The following CNTN5 variants were observed in gnomAD, a reference collection of about 807,000 sequenced individuals.
CNTN5 encodes the protein contactin-5.
A neutral mutation model predicts 129.1 loss-of-function variants in CNTN5; 77 were observed. That is an observed-to-expected ratio of 0.60 (90% CI 0.50 to 0.72). CNTN5 has a LOEUF of 0.72. Among genes scored for constraint, CNTN5 ranks in the 30% least tolerant of loss-of-function variants. The pLI is 0.00. For synonymous variants in CNTN5, 509 were observed against 465.6 expected, an observed-to-expected ratio of 1.09 and a Z score of -1.20; for missense variants, 1,478 against 1,328.8, an observed-to-expected ratio of 1.11 and a Z score of -1.75.
chr11:99,211,199 C>A (rs1248903756), intron 1 of CNTN5, among the ~76,000 whole-genome samples: 4 of 152,078 alleles, frequency 2.6e-5, no homozygotes, highest in African/African-American at 7.2e-5. Context: ...AAAATCTCTA[C>A]TTTCCTGATT....
chr11:99,178,360 A>G (rs1288516117), intron 1 of CNTN5, among the ~76,000 whole-genome samples: 1 of 139,418 alleles, frequency 7.2e-6, no homozygotes, highest in Non-Finnish European at 1.6e-5. Flanking sequence ...ACACACACAC[A>G]CACACACAAA....
chr11:99,518,202 T>A (rs985037521), intron 2 of CNTN5, among the ~76,000 whole-genome samples: 1 of 152,052 alleles, frequency 6.6e-6, no homozygotes, highest in Non-Finnish European at 1.5e-5. Flanking sequence ...TGCGTACAAC[T>A]GAATTAGAAA....
At chr11:100,324,748 T>A (rs1204600330) in intron 21 of CNTN5, among the ~76,000 whole-genome samples, 1 of 152,202 alleles carries the variant, frequency 6.6e-6, no homozygotes, top group Non-Finnish European at 1.5e-5. Context: ...GAAAAATAAA[T>A]ACAAATTTAT....
chr11:100,102,705 G>A (rs1047752268), intron 13 of CNTN5, among the ~76,000 whole-genome samples: 3 of 152,064 alleles, frequency 2.0e-5, no homozygotes, highest in African/African-American at 7.2e-5. Context: ...TTACTAAAAT[G>A]TGTATTTTAT....
intron 3 of CNTN5, among the ~76,000 whole-genome samples, chr11:99,769,034 A>T (rs1233144655): frequency 6.6e-6 from 1 of 151,426 alleles, no homozygotes; most frequent in Non-Finnish European, 1.5e-5. Flanking sequence ...TCTCTTTTCT[A>T]TCTTTTCATT....
intron 1 of CNTN5, among the ~76,000 whole-genome samples, chr11:99,240,660 T>A (rs748074903): frequency 5.9e-5 from 9 of 152,178 alleles, no homozygotes; most frequent in Non-Finnish European, 1.0e-4. Flanking sequence ...GAAGTTTTTA[T>A]CATTTTTCTT....
At chr11:99,803,105 A>G (rs188983502) in intron 3 of CNTN5, among the ~76,000 whole-genome samples, 10 of 152,292 alleles carry the variant, frequency 6.6e-5, no homozygotes, top group Non-Finnish European at 1.3e-4. Flanking sequence ...GCCCCCCTGC[A>G]CCATGATCTG....
At chr11:100,316,650 G>A (rs1030216113) in intron 21 of CNTN5, among the ~76,000 whole-genome samples, 1 of 152,054 alleles carries the variant, frequency 6.6e-6, no homozygotes, top group Non-Finnish European at 1.5e-5. Context: ...AAATAAAAAT[G>A]AAACTTTTTT....
chr11:99,754,530 A>G (rs1944347738), intron 3 of CNTN5, among the ~76,000 whole-genome samples: 1 of 152,208 alleles, frequency 6.6e-6, no homozygotes, highest in Non-Finnish European at 1.5e-5. Context: ...AAACAGAGAC[A>G]ATTACCTCCT....
intron 1 of CNTN5, among the ~76,000 whole-genome samples, chr11:99,039,009 C>T (rs1353532010): frequency 6.6e-6 from 1 of 151,886 alleles, no homozygotes; most frequent in African/African-American, 2.4e-5. Flanking sequence ...GCTAAAATGT[C>T]ATATTTCTGT....
intron 2 of CNTN5, among the ~76,000 whole-genome samples, chr11:99,491,758 G>A (rs1946045146): frequency 6.6e-6 from 1 of 152,104 alleles, no homozygotes; most frequent in Non-Finnish European, 1.5e-5. Context: ...AGTACATTTT[G>A]CTTTCATGTG....
At chr11:99,691,732 G>C (rs913571841) in intron 3 of CNTN5, among the ~76,000 whole-genome samples, 1 of 151,892 alleles carries the variant, frequency 6.6e-6, no homozygotes, top group African/African-American at 2.4e-5. Context: ...TTCTGTTCTT[G>C]GGTGCAGAGT....
intron 6 of CNTN5, among the ~76,000 whole-genome samples, chr11:99,876,939 TTTCTTTTA>T (rs1274196526): frequency 7.2e-5 from 11 of 152,328 alleles, no homozygotes; most frequent in East Asian, 3.9e-4. Context: ...TGTGCCTCAG[TTTCTTTTA>T]TTCTTTTATT....
intron 2 of CNTN5, among the ~76,000 whole-genome samples, chr11:99,393,344 G>C (rs1212497882): frequency 6.6e-6 from 1 of 151,812 alleles, no homozygotes; most frequent in East Asian, 1.9e-4. Flanking sequence ...TAGGTTGGTG[G>C]TAAATTAAAG....
intron 2 of CNTN5, among the ~76,000 whole-genome samples, chr11:99,447,009 C>G (rs896470652): frequency 6.6e-6 from 1 of 152,118 alleles, no homozygotes. Flanking sequence ...GCCTCTTTGC[C>G]CCAAGCCTAC....
chr11:99,217,387 T>A (rs889973565), intron 1 of CNTN5, among the ~76,000 whole-genome samples: 1 of 152,180 alleles, frequency 6.6e-6, no homozygotes, highest in African/African-American at 2.4e-5. Flanking sequence ...AGATATCATC[T>A]CACCTCAGTT....
At chr11:99,852,063 GAT>G (rs1310399826) in intron 6 of CNTN5, among the ~76,000 whole-genome samples, 1 of 152,134 alleles carries the variant, frequency 6.6e-6, no homozygotes, top group East Asian at 1.9e-4. Flanking sequence ...GAATGAGTCA[GAT>G]TGACATGGAT....
chr11:100,239,760 T>C (rs1949697633), intron 16 of CNTN5, among the ~76,000 whole-genome samples: 1 of 152,178 alleles, frequency 6.6e-6, no homozygotes, highest in Non-Finnish European at 1.5e-5. Flanking sequence ...AGGACAAACA[T>C]ACAAAATCTC....
At chr11:99,295,882 CAAAAAAAAAAAAAA>C (rs34180493) in intron 1 of CNTN5, among the ~76,000 whole-genome samples, 2 of 50,994 alleles carry the variant, frequency 3.9e-5, no homozygotes, top group East Asian at 6.7e-4. Flanking sequence ...GACTCCGTCT[CAAAAAAAAAAAAAA>C]AAAAAAAAAG....
Sources: gnomAD v4.1 joint callset for allele counts (sites outside exome capture counted in the v4.1 genomes callset) on GRCh38, gnomAD v4.1.1 for gene constraint, MANE v1.5 for transcripts, NCBI Gene and HGNC (gene_info 2026-07-23, HGNC 2026-07-21) for gene names.